Variants in CLTCL1 observed in about 807,000 individuals in gnomAD.
CLTCL1 encodes clathrin heavy chain like 1.
A neutral mutation model predicts 190.0 loss-of-function variants in CLTCL1; 159 were observed. The observed-to-expected ratio is 0.84, with a 90% confidence interval of 0.74 to 0.95. The LOEUF (loss-of-function observed/expected upper bound fraction) is 0.95. Among genes scored for constraint, CLTCL1 ranks in the 40% least tolerant of loss-of-function variants. The pLI is 0.00. For synonymous variants in CLTCL1, 752 were observed against 769.6 expected, an observed-to-expected ratio of 0.98 and a Z score of 0.38; for missense variants, 1,878 against 2,033.4, an observed-to-expected ratio of 0.92 and a Z score of 1.47.
intron 14 of CLTCL1, among the ~76,000 whole-genome samples, chr22:19,223,573 A>T (rs2085643365): frequency 6.6e-6 from 1 of 152,138 alleles, no homozygotes; most frequent in Non-Finnish European, 1.5e-5. Context: ...TCTTTATGAC[A>T]CTAGTGCTGA....
intron 24 of CLTCL1, among the ~76,000 whole-genome samples, chr22:19,199,454 C>T (rs140317320): frequency 5.6e-4 from 86 of 152,302 alleles, no homozygotes; most frequent in African/African-American, 2.0e-3. Context: ...GTCATGCAAG[C>T]CACTGACTGG....
intron 1 of CLTCL1, among the ~76,000 whole-genome samples, chr22:19,279,061 T>G (rs2087614662): frequency 6.6e-6 from 1 of 152,024 alleles, no homozygotes; most frequent in African/African-American, 2.4e-5. Context: ...TTATTTACTC[T>G]GTCTGCAATT....
At chr22:19,186,235 G>C (rs560693606) in intron 29 of CLTCL1, among the ~76,000 whole-genome samples, 27 of 152,140 alleles carry the variant, frequency 1.8e-4, no homozygotes, top group Admixed American at 5.2e-4. Flanking sequence ...AACACCCTCA[G>C]GTCAAGTCCA....
At chr22:19,197,367 C>T (rs1207362044) in intron 24 of CLTCL1, among the ~76,000 whole-genome samples, 1 of 152,138 alleles carries the variant, frequency 6.6e-6, no homozygotes, top group Non-Finnish European at 1.5e-5. Flanking sequence ...TCTGCACCCC[C>T]CAATCAGCTA....
At chr22:19,265,930 T>C (rs995358887) in intron 2 of CLTCL1, among the ~76,000 whole-genome samples, 6 of 152,220 alleles carry the variant, frequency 3.9e-5, no homozygotes, top group Non-Finnish European at 7.3e-5. Flanking sequence ...TGGAGTGCAA[T>C]GGCACTATCC....
intron 2 of CLTCL1, among the ~76,000 whole-genome samples, chr22:19,262,699 C>T (rs915522358): frequency 2.0e-5 from 3 of 151,318 alleles, no homozygotes; most frequent in Non-Finnish European, 4.4e-5. Context: ...CAATCAGCAG[C>T]CATTGGCATC....
chr22:19,180,995 G>A (rs967960937), intron 30 of CLTCL1, 189 bp from the exon 31 acceptor site: 5 of 594,338 alleles, frequency 8.4e-6, no homozygotes, highest in Non-Finnish European at 1.5e-5. Flanking sequence ...GGCATGGAGA[G>A]GTGAAGCCTC....
At chr22:19,249,763 C>T (rs374422292) in intron 3 of CLTCL1, 8 of 223,670 alleles carry the variant, frequency 3.6e-5, no homozygotes, top group Non-Finnish European at 5.7e-5. Context: ...GATGGTATGG[C>T]TAGGTTTTGA....
intron 2 of CLTCL1, among the ~76,000 whole-genome samples, chr22:19,260,449 C>T (rs115488551): frequency 1.3e-5 from 2 of 148,816 alleles, no homozygotes; most frequent in East Asian, 1.9e-4. Context: ...GAATGCTCAC[C>T]GACCACTCCA....
Position 19,236,863 on chromosome 22 carries a change from T to G in CLTCL1, c.796-994A>C, listed in dbSNP as rs564159334. Among the ~76,000 whole-genome samples the G allele has an allele frequency of 5.3e-5, 8 of 152,302 alleles. No individual in the cohort carries two copies. The South Asian group carries it at 1.7e-3, about 32-fold the overall frequency. ...TATATAACATATATTATTAATATAG[T>G]TAGCTAGCTATCTGGAGATGGAGGT... On this transcript the variant is annotated intron_variant, in intron 5 of 32. Transcript: ENST00000427926.
At chr22:19,233,061 C>A in intron 9 of CLTCL1, 105 bp downstream of exon 9, 1 of 1,238,028 alleles carries the variant, frequency 8.1e-7, no homozygotes, top group East Asian at 2.3e-5. Context: ...CCAACTCTCA[C>A]ACCAGAGGAC....
In CLTCL1 at chr22:19,235,780, C is replaced by A; in HGVS notation, c.885G>T (p.Met295Ile). 6.2e-7 allele frequency: 1 copy of A among 1,613,948 alleles called. No individual in the cohort carries two copies. The highest frequency in any genetic ancestry group is 1.1e-5 in the South Asian group (1 of 91,080). Residue 295 changes from methionine (M) to isoleucine (I), a missense_variant, in exon 6 of 33, where the codon ATG (methionine) becomes ATT (isoleucine). Met to Ile is a conservative substitution (Grantham distance 10). Coordinates refer to ENST00000427926, the MANE Select transcript of CLTCL1 (RefSeq NM_007098.4). ...ATATTGTGTCAGCACTAATACGGTT[C>A]ATGCAGATGCACACGCCAGACTCTA... is the stretch of plus-strand genomic sequence containing the variant. ...YDLESGVCIC[M>I]NRISADTIFV...
chr22:19,196,344 A>G lies in CLTCL1; in HGVS notation c.4113T>C (p.Tyr1371=). The part of the protein sequence containing the change: ...LVFLYDKYEE[Y]DNAVLTMMSH... ...TCATCATGGTGAGCACAGCATTGTC[A>G]TACTCCTCGTACTTGTCATAGAGGA... is the stretch of plus-strand genomic sequence containing the variant. Residue 1371 remains tyrosine (Y), a synonymous_variant, in exon 26 of 33, where the codon TAT becomes TAC. Transcript: ENST00000427926. The G allele has an allele frequency of 1.9e-6, 3 of 1,613,972 alleles. No individual in the cohort carries two copies. Among genetic ancestry groups the G allele is most frequent in the African/African-American group, 1.3e-5 (1 of 75,040 alleles).
rs782504043 is a variant in CLTCL1 at position 19,191,451 on chromosome 22, C to T, written c.4192-16G>A. The T allele has an allele frequency of 2.5e-6, 4 of 1,611,898 alleles. No individual in the cohort carries two copies. The highest frequency in any genetic ancestry group is 2.2e-5 in the East Asian group (1 of 44,888). On this transcript the variant is annotated splice_polypyrimidine_tract_variant and intron_variant, in intron 26 of 32. Transcript: ENST00000427926. ...CGTTGGCAACCTGTGGTGAGCAAAG[C>T]TGAGGGTCAGTCCCTGCCGCTGTCT...
chr22:19,192,524 C>T (rs920717793), intron 26 of CLTCL1, among the ~76,000 whole-genome samples: 9 of 152,298 alleles, frequency 5.9e-5, no homozygotes, highest in Admixed American at 5.9e-4. Context: ...GCACAGGGCA[C>T]AGCTGGAGCT....
At chr22:19,255,420 G>A (rs1350142397) in intron 2 of CLTCL1, among the ~76,000 whole-genome samples, 10 of 151,904 alleles carry the variant, frequency 6.6e-5, no homozygotes, top group South Asian at 2.1e-4. Flanking sequence ...AAAATTAGCC[G>A]GGCTTGGTGG....
intron 13 of CLTCL1, 68 bp from the exon 14 acceptor site, chr22:19,224,122 A>G (rs1242729808): frequency 2.8e-5 from 44 of 1,544,670 alleles, no homozygotes; most frequent in Non-Finnish European, 3.9e-5. Context: ...GCTGCTGCCC[A>G]CCTTCCCTCG....
intron 2 of CLTCL1, among the ~76,000 whole-genome samples, chr22:19,268,505 A>G (rs911069646): frequency 6.6e-6 from 1 of 152,018 alleles, no homozygotes; most frequent in Non-Finnish European, 1.5e-5. Context: ...ATTCAATAAT[A>G]AGATGGACAA....
chr22:19,240,646 C>G (rs12627783), intron 4 of CLTCL1, among the ~76,000 whole-genome samples: 1 of 152,106 alleles, frequency 6.6e-6, no homozygotes, highest in Non-Finnish European at 1.5e-5. Flanking sequence ...GGTAAGAAGG[C>G]GTGAAGCAGG....
Sources: gnomAD v4.1 joint callset for allele counts (sites outside exome capture counted in the v4.1 genomes callset) on GRCh38, gnomAD v4.1.1 for gene constraint, MANE v1.5 for transcripts, NCBI Gene and HGNC (gene_info 2026-07-23, HGNC 2026-07-21) for gene names.